The following ZNF730 variants were observed in gnomAD, a reference collection of about 807,000 sequenced individuals.
ZNF730 encodes the protein zinc finger protein 730.
A neutral mutation model predicts 12.6 loss-of-function variants in ZNF730; 12 were observed. The ratio of observed to expected loss-of-function variants is 0.95; its 90% CI spans 0.61 to 1.54. ZNF730 has a LOEUF of 1.54. Ranked by LOEUF, ZNF730 falls within the 40% of genes most tolerant of loss-of-function variation. ZNF730 has a pLI of 0.00. For missense variants in ZNF730, 643 were observed against 583.5 expected (o/e 1.10, Z -1.05); for synonymous variants, 194 against 195.8 (o/e 0.99, Z 0.08).
chr19:23,107,067 G>GT lies in ZNF730; in HGVS notation c.-93-27008dup, dbSNP rs1474045051. On this transcript the variant is annotated intron_variant, in intron 1 of 2. Transcript: ENST00000593635. ...GTGATGCTGGACCGGAGTTGCGCAT[G>GT]TTTTTGTTTTTTTTTTTTTGAGACA... is the stretch of plus-strand genomic sequence containing the variant. Among the ~76,000 whole-genome samples the GT allele has an allele frequency of 7.0e-4, 64 of 91,520 alleles. No individual in the cohort carries two copies. The South Asian group carries it at 0.025, about 35-fold the overall frequency. 60.0% of individuals were successfully genotyped at this position (91,520 alleles called of 152,430 possible). A position where few individuals can be genotyped will look rare whatever the true frequency, so the allele number is the denominator to read the frequency against.
At chr19:23,086,038 T>C (rs1471391125) in intron 1 of ZNF730, among the ~76,000 whole-genome samples, 2 of 151,896 alleles carry the variant, frequency 1.3e-5, no homozygotes, top group African/African-American at 4.8e-5. Flanking sequence ...AGAGACGGGG[T>C]TTCACCGTCG....
At chr19:23,078,323 G>A (rs982035843) in intron 1 of ZNF730, among the ~76,000 whole-genome samples, 25 of 152,096 alleles carry the variant, frequency 1.6e-4, no homozygotes, top group Admixed American at 6.6e-4. Flanking sequence ...GCAATGGAAT[G>A]TCTCGGTGTA....
At chr19:23,127,858 A>G (rs1344341546) in intron 1 of ZNF730, 1 of 657,792 alleles carries the variant, frequency 1.5e-6, no homozygotes, top group East Asian at 2.6e-5. Context: ...TTATACCCGT[A>G]TAGAAGAGGA....
chr19:23,125,620 G>A (rs555269061), intron 1 of ZNF730: 2 of 152,262 alleles, frequency 1.3e-5, no homozygotes, highest in Admixed American at 6.5e-5. Context: ...TTCTAAGCAA[G>A]GCAGGTCTCT....
At chr19:23,134,023 C>T (rs2145660152) in intron 1 of ZNF730, 57 bp from the exon 2 acceptor site, 1 of 1,599,556 alleles carries the variant, frequency 6.3e-7, no homozygotes, top group Non-Finnish European at 8.5e-7. Flanking sequence ...TTGAGTGAAA[C>T]TTAAAATTCT....
At position 23,146,802 on chromosome 19, in the gene ZNF730, C is replaced by T; in HGVS notation, c.*246C>T. On this transcript the variant is annotated 3_prime_UTR_variant, in exon 4 of 4. Coordinates refer to ENST00000597761, the MANE Select transcript of ZNF730 (RefSeq NM_001277403.2). ...TAAGATAATTCATACTGGAGAGAAA[C>T]CCTACAAGTGTGAAGAATGTGACAA... 2.2e-6 allele frequency: 2 copies of T among 925,264 alleles called. No individual in the cohort carries two copies. The highest frequency in any genetic ancestry group is 3.6e-6 in the Non-Finnish European group (2 of 558,390). The allele number at this position is 925,264 out of a possible 1,614,324, so 57.3% of individuals were successfully genotyped here.
At chr19:23,115,981 T>TA (rs1370296842), upstream of ZNF730, among the ~76,000 whole-genome samples, 1 of 152,216 alleles carries the variant, frequency 6.6e-6, no homozygotes, top group Non-Finnish European at 1.5e-5. Context: ...TCCCCTGATT[T>TA]AAAGTTAGAT....
chr19:23,134,607 G>T (rs1206696811), intron 2 of ZNF730, among the ~76,000 whole-genome samples: 1 of 118,990 alleles, frequency 8.4e-6, no homozygotes, highest in Non-Finnish European at 1.8e-5. Flanking sequence ...GGGGGGGGGG[G>T]TCAGCCCCCC....
chr19:23,083,231 C>G (rs1480213397), intron 1 of ZNF730, among the ~76,000 whole-genome samples: 1 of 151,942 alleles, frequency 6.6e-6, no homozygotes, highest in African/African-American at 2.4e-5. Flanking sequence ...CGAGACCAGC[C>G]CAGCCAATAC....
At chr19:23,127,349 CAT>C (rs1378190478) in intron 1 of ZNF730, 3 of 702,924 alleles carry the variant, frequency 4.3e-6, no homozygotes, top group Non-Finnish European at 7.8e-6. Flanking sequence ...TGTCACATGA[CAT>C]AGGAACACTT....
intron 1 of ZNF730, among the ~76,000 whole-genome samples, chr19:23,088,105 G>A (rs764877005): frequency 2.6e-5 from 4 of 151,322 alleles, no homozygotes; most frequent in Non-Finnish European, 4.4e-5. Context: ...TGGAACCTCC[G>A]CCTCCCGGGT....
At chr19:23,128,250 A>G in intron 1 of ZNF730, 1 of 716,512 alleles carries the variant, frequency 1.4e-6, no homozygotes, top group Non-Finnish European at 2.6e-6. Context: ...ATGCAGCAGT[A>G]CACCAGAAGT....
intron 1 of ZNF730, chr19:23,095,300 T>C: frequency 2.5e-6 from 1 of 398,506 alleles, no homozygotes; most frequent in East Asian, 3.6e-5. Flanking sequence ...CACACGTACG[T>C]TATGTGACTC....
intron 1 of ZNF730, among the ~76,000 whole-genome samples, chr19:23,076,377 C>T (rs1393658533): frequency 6.6e-6 from 1 of 152,212 alleles, no homozygotes; most frequent in Non-Finnish European, 1.5e-5. Context: ...CTCTGCCTCT[C>T]CCACTTTTAT....
intron 1 of ZNF730, among the ~76,000 whole-genome samples, chr19:23,109,355 A>G (rs1777506041): frequency 6.6e-6 from 1 of 151,414 alleles, no homozygotes; most frequent in South Asian, 2.1e-4. Flanking sequence ...CAGTCTCTCA[A>G]GTAGCTGGGA....
chr19:23,138,548 G>A (rs1208265723), intron 3 of ZNF730, among the ~76,000 whole-genome samples: 1 of 152,164 alleles, frequency 6.6e-6, no homozygotes, highest in Non-Finnish European at 1.5e-5. Context: ...GTTTTGGATG[G>A]TTTCAGAGTA....
rs1052399561 is a variant in ZNF730, at chr19:23,082,330, A to G, written c.-94+6943A>G. Among the ~76,000 whole-genome samples the G allele has an allele frequency of 3.3e-5, 5 of 151,632 alleles. No homozygotes were observed. In the South Asian group the frequency reaches 1.0e-3, roughly 32 times the overall value. On this transcript the variant is annotated intron_variant, in intron 1 of 2. Transcript: ENST00000593635. ...AACATGATATCCTCTTGGTCCACCCATGTTGTTGCAAATAGCAGAATTTTT... is the reference window on the plus strand; with the variant it reads ...AACATGATATCCTCTTGGTCCACCCGTGTTGTTGCAAATAGCAGAATTTTT...
chr19:23,125,482 G>A (rs189854686), intron 1 of ZNF730, among the ~76,000 whole-genome samples: 9 of 152,322 alleles, frequency 5.9e-5, no homozygotes, highest in African/African-American at 1.9e-4. Context: ...GGAACTTGCT[G>A]AGAACTGGAG....
chr19:23,119,992 C>CTTTTTTT (rs539722897), intron 1 of ZNF730, among the ~76,000 whole-genome samples: 1 of 132,580 alleles, frequency 7.5e-6, no homozygotes, highest in African/African-American at 2.7e-5. Context: ...CACTTTCTTT[C>CTTTTTTT]TTTTTTTTTT....
Sources: allele counts gnomAD v4.1 joint callset (sites outside exome capture counted in the v4.1 genomes callset), GRCh38; gene constraint gnomAD v4.1.1; transcripts MANE v1.5; gene names NCBI Gene and HGNC (gene_info 2026-07-23, HGNC 2026-07-21).